Variants in FAT3 observed in about 807,000 individuals in gnomAD.
FAT3 encodes the protein FAT atypical cadherin 3.
A neutral mutation model predicts 310.2 loss-of-function variants in FAT3; 95 were observed. The observed-to-expected ratio is 0.31, with a 90% confidence interval of 0.26 to 0.36. The LOEUF is 0.36. Among genes scored for constraint, FAT3 ranks in the 10% least tolerant of loss-of-function variants. FAT3 has a pLI of 1.00. For missense variants in FAT3, 5,408 were observed against 5,715.6 expected (o/e 0.95, Z 1.74); for synonymous variants, 2,314 against 2,192.9 (o/e 1.06, Z -1.54).
At position 92,893,495 on chromosome 11, in the gene FAT3, A is replaced by G. The variant is rs951231000; in HGVS notation, c.*2382A>G. ...ATGTCATTTCCTGCCCCCAGGAAATATTAGAATGAGATTAATGCTGATGAG... is the reference window on the plus strand; with the variant it reads ...ATGTCATTTCCTGCCCCCAGGAAATGTTAGAATGAGATTAATGCTGATGAG... On this transcript the variant is annotated 3_prime_UTR_variant, in exon 28 of 28. Transcript: ENST00000525166. The G allele has an allele frequency of 3.3e-5, 5 of 152,352 alleles. No homozygotes were observed. The Middle Eastern group carries it at 0.01, about 311-fold the overall frequency. 9.4% of individuals were successfully genotyped at this position (152,352 alleles called of 1,614,324 possible). A position where few individuals can be genotyped will look rare whatever the true frequency, so the allele number is the denominator to read the frequency against.
intron 3 of FAT3, among the ~76,000 whole-genome samples, chr11:92,645,118 T>C (rs1378781208): frequency 6.6e-6 from 1 of 152,212 alleles, no homozygotes; most frequent in Non-Finnish European, 1.5e-5. Flanking sequence ...AAAGAACAAT[T>C]CTTAAAATGT....
chr11:92,534,053 T>C (rs1267297640), intron 3 of FAT3, among the ~76,000 whole-genome samples: 1 of 152,212 alleles, frequency 6.6e-6, no homozygotes, highest in Non-Finnish European at 1.5e-5. Flanking sequence ...TTCTGTTCTG[T>C]GGGAAACAGT....
intron 2 of FAT3, among the ~76,000 whole-genome samples, chr11:92,456,017 G>A (rs1054122029): frequency 6.6e-6 from 1 of 152,142 alleles, no homozygotes; most frequent in East Asian, 1.9e-4. Flanking sequence ...TGTGGCTTGG[G>A]TTGTTGAACG....
At chr11:92,271,021 A>G (rs548156237) in intron 1 of FAT3, among the ~76,000 whole-genome samples, 25 of 152,028 alleles carry the variant, frequency 1.6e-4, no homozygotes, top group Admixed American at 4.6e-4. Flanking sequence ...CATTTTTGTT[A>G]TTATAACCCC....
chr11:92,852,007 G>A (rs934483907), intron 19 of FAT3, among the ~76,000 whole-genome samples: 3 of 152,106 alleles, frequency 2.0e-5, no homozygotes, highest in African/African-American at 7.2e-5. Flanking sequence ...TAACCCTTCA[G>A]CATCCATTTA....
rs553794727 is a variant in FAT3, at chr11:92,226,497, G to A, written c.-18+1323G>A. Among the ~76,000 whole-genome samples, 5 of 152,180 alleles carry A rather than the reference G, an allele frequency of 3.3e-5. No individual in the cohort carries two copies. In the South Asian group the frequency reaches 1.0e-3, roughly 32 times the overall value. On this transcript the variant is annotated intron_variant, in intron 1 of 27. Coordinates refer to ENST00000525166, the MANE Select transcript of FAT3 (RefSeq NM_001367949.2). ...GAGCCGCTTGGGTTGCTCGGGATGA[G>A]AGGAACAGGGGTGCTCCCGGGGTGT...
chr11:92,742,368 G>A (rs1177828230), intron 4 of FAT3, among the ~76,000 whole-genome samples: 1 of 152,200 alleles, frequency 6.6e-6, no homozygotes, highest in African/African-American at 2.4e-5. Flanking sequence ...CCCAATCAAA[G>A]CAGCAAGGGC....
chr11:92,785,122 C>T (rs1591728319), intron 7 of FAT3, among the ~76,000 whole-genome samples: 3 of 151,966 alleles, frequency 2.0e-5, no homozygotes, highest in Admixed American at 1.3e-4. Flanking sequence ...CAAGTTATCC[C>T]GGCATAGAGG....
At chr11:92,461,738 G>T (rs1293737758) in intron 2 of FAT3, among the ~76,000 whole-genome samples, 2 of 152,166 alleles carry the variant, frequency 1.3e-5, no homozygotes, top group Non-Finnish European at 2.9e-5. Context: ...AGAGTCAGAG[G>T]CAGGGACCAG....
intron 1 of FAT3, among the ~76,000 whole-genome samples, chr11:92,325,615 TTGAG>T (rs1357474291): frequency 6.6e-6 from 1 of 152,176 alleles, no homozygotes; most frequent in Non-Finnish European, 1.5e-5. Context: ...CTGCAGCAGC[TTGAG>T]TGACATAGAT....
intron 3 of FAT3, among the ~76,000 whole-genome samples, chr11:92,674,774 C>T (rs1943237051): frequency 6.6e-6 from 1 of 152,124 alleles, no homozygotes; most frequent in South Asian, 2.1e-4. Flanking sequence ...AGCGATCTTC[C>T]CACTTCGGCC....
intron 23 of FAT3, among the ~76,000 whole-genome samples, 153 bp from the exon 24 acceptor site, chr11:92,882,584 CT>C (rs1440728048): frequency 0.016 from 1,516 of 94,596 alleles, 30 homozygotes; most frequent in South Asian, 0.027. Context: ...TTAACTCCCC[CT>C]CCCCCCCCCC....
intron 9 of FAT3, 84 bp from the exon 10 acceptor site, chr11:92,797,752 A>G (rs1233090968): frequency 2.6e-6 from 3 of 1,161,614 alleles, no homozygotes; most frequent in Non-Finnish European, 3.7e-6. Context: ...ACATTGCAGT[A>G]AGGTACCTAT....
chr11:92,630,189 G>T (rs1283931732), intron 3 of FAT3, among the ~76,000 whole-genome samples: 1 of 152,112 alleles, frequency 6.6e-6, no homozygotes, highest in East Asian at 1.9e-4. Flanking sequence ...ACTAGATGTG[G>T]CTGGCCACTC....
At position 92,352,249 on chromosome 11, in the gene FAT3, C is replaced by G; in HGVS notation, c.137C>G (p.Ser46Cys). 7.1e-7 allele frequency: 1 copy of G among 1,407,698 alleles called. No individual in the cohort carries two copies. The highest frequency in any genetic ancestry group is 9.5e-7 in the Non-Finnish European group (1 of 1,048,892). 87.2% of individuals were successfully genotyped at this position (1,407,698 alleles called of 1,614,324 possible). ...CCCCTGGGCTTCCACTTCACACATT[C>G]CATTTATAATGCTACCGTGTATGAG... The part of the protein sequence containing the change: ...TGPLGFHFTH[S>C]IYNATVYENS... The change falls in exon 2 of 28, where the codon TCC becomes TGC. Residue 46 changes from serine (S) to cysteine (C), a missense_variant. This residue lies in a region of FAT3 where 152 missense variants were observed against 188.3 expected (regional missense o/e 0.81). Coordinates refer to ENST00000525166, the MANE Select transcript of FAT3 (RefSeq NM_001367949.2).
chr11:92,306,823 T>C (rs1226819084), intron 1 of FAT3, among the ~76,000 whole-genome samples: 7 of 143,128 alleles, frequency 4.9e-5, no homozygotes, highest in African/African-American at 1.8e-4. Flanking sequence ...TCTTGCTCTA[T>C]TGCCCTTGCA....
chr11:92,552,470 G>C (rs149823219), intron 3 of FAT3, among the ~76,000 whole-genome samples: 204 of 152,014 alleles, frequency 1.3e-3, no homozygotes, highest in Admixed American at 3.7e-3. Flanking sequence ...TTCTATTTTT[G>C]GTTCTTAAAA....
In FAT3 at chr11:92,783,482, G is replaced by T. The variant is rs150054055; in HGVS notation, c.4336-6461G>T. ...AAGGCAGCAAGCCAAATCTTAAAAT[G>T]TAAGACTTTCTTTTTTAATTAAAAA... On this transcript the variant is annotated intron_variant, in intron 7 of 27. Transcript: ENST00000525166. Among the ~76,000 whole-genome samples the T allele has an allele frequency of 8.9e-3, 1,242 of 139,118 alleles. 29 individuals are homozygous for T. The highest frequency in any genetic ancestry group is 0.031 in the African/African-American group (1,181 of 37,860). 91.3% of individuals were successfully genotyped at this position (139,118 alleles called of 152,430 possible). A position where few individuals can be genotyped will look rare whatever the true frequency, so the allele number is the denominator to read the frequency against.
At chr11:92,327,116 A>AT (rs1409247586) in intron 1 of FAT3, among the ~76,000 whole-genome samples, 2 of 152,128 alleles carry the variant, frequency 1.3e-5, no homozygotes, top group African/African-American at 4.8e-5. Context: ...TTTGCTTATC[A>AT]TGCAACTTAT....
Sources: gnomAD v4.1 joint callset for allele counts (sites outside exome capture counted in the v4.1 genomes callset) on GRCh38, gnomAD v4.1.1 for gene constraint, gnomAD v4.1.1 regional missense constraint, MANE v1.5 for transcripts, NCBI Gene and HGNC (gene_info 2026-07-23, HGNC 2026-07-21) for gene names.